The following ZMIZ1 variants were observed in gnomAD, a reference collection of about 807,000 sequenced individuals.
ZMIZ1 encodes the protein zinc finger MIZ domain-containing protein 1.
ZMIZ1 carries 17 observed loss-of-function variants against 113.9 expected under a neutral mutation model. The observed-to-expected ratio is 0.15, with a 90% CI of 0.10 to 0.22. The LOEUF is 0.22. Among genes scored for constraint, ZMIZ1 ranks in the 10% least tolerant of loss-of-function variants. The pLI is 1.00. For missense variants in ZMIZ1, 1,059 were observed against 1,477.8 expected (o/e 0.72, Z 4.65); for synonymous variants, 607 against 603.1 (o/e 1.01, Z -0.09).
At chr10:79,271,792 G>A (rs1655525774) in intron 7 of ZMIZ1, among the ~76,000 whole-genome samples, 1 of 152,186 alleles carries the variant, frequency 6.6e-6, no homozygotes, top group African/African-American at 2.4e-5. Context: ...TTGTGGGGCT[G>A]GCGCATAGAG....
At chr10:79,201,737 C>T (rs370120679) in intron 5 of ZMIZ1, 45 bp downstream of exon 5, 19 of 1,592,892 alleles carry the variant, frequency 1.2e-5, no homozygotes, top group South Asian at 7.8e-5. Context: ...GCAGATGGGG[C>T]GGGCTGCAGC....
At chr10:79,188,933 T>C (rs1458208998) in intron 4 of ZMIZ1, among the ~76,000 whole-genome samples, 1 of 152,198 alleles carries the variant, frequency 6.6e-6, no homozygotes, top group Admixed American at 6.5e-5. Context: ...CCGGGAATGC[T>C]TCGCTCAGGA....
intron 4 of ZMIZ1, among the ~76,000 whole-genome samples, chr10:79,196,973 A>C (rs1278841809): frequency 2.0e-5 from 3 of 152,186 alleles, no homozygotes; most frequent in Non-Finnish European, 4.4e-5. Flanking sequence ...AGGGCCTGGA[A>C]GCACACCTGG....
At chr10:79,188,299 CAG>C (rs750705377) in intron 4 of ZMIZ1, among the ~76,000 whole-genome samples, 24 of 152,150 alleles carry the variant, frequency 1.6e-4, no homozygotes, top group Non-Finnish European at 3.1e-4. Context: ...TTGGATGGGA[CAG>C]GGGAGGGTCA....
At chr10:79,224,382 C>T (rs564758702) in intron 7 of ZMIZ1, among the ~76,000 whole-genome samples, 3 of 152,126 alleles carry the variant, frequency 2.0e-5, no homozygotes, top group South Asian at 2.1e-4. Context: ...GAAGGAGAGC[C>T]GGCAGCTCCT....
At chr10:79,254,795 C>A (rs1302763405) in intron 7 of ZMIZ1, among the ~76,000 whole-genome samples, 1 of 152,218 alleles carries the variant, frequency 6.6e-6, no homozygotes, top group Non-Finnish European at 1.5e-5. Context: ...GGAGAGCCGA[C>A]TGAGTGAGGG....
intron 7 of ZMIZ1, among the ~76,000 whole-genome samples, chr10:79,260,219 G>A (rs1225227610): frequency 1.3e-5 from 2 of 152,230 alleles, no homozygotes; most frequent in Non-Finnish European, 2.9e-5. Flanking sequence ...ATTGTTCTAG[G>A]CACTGGGGAT....
intron 23 of ZMIZ1, among the ~76,000 whole-genome samples, chr10:79,307,960 G>A (rs888133935): frequency 2.0e-5 from 3 of 152,144 alleles, no homozygotes; most frequent in Non-Finnish European, 2.9e-5. Flanking sequence ...CCAAACCCAG[G>A]CACTTATTCT....
intron 2 of ZMIZ1, among the ~76,000 whole-genome samples, chr10:79,126,893 G>T (rs549082060): frequency 6.6e-6 from 1 of 152,308 alleles, no homozygotes; most frequent in South Asian, 2.1e-4. Flanking sequence ...GAAGGCTGCT[G>T]CTGGACCCAA....
intron 1 of ZMIZ1, among the ~76,000 whole-genome samples, chr10:79,071,161 C>T (rs576210865): frequency 6.6e-6 from 1 of 152,228 alleles, no homozygotes; most frequent in African/African-American, 2.4e-5. Context: ...GCCCCTGGCT[C>T]CGCGCCGGGT....
intron 7 of ZMIZ1, among the ~76,000 whole-genome samples, chr10:79,276,394 AAAATGG>A (rs1464992956): frequency 6.6e-6 from 1 of 152,186 alleles, no homozygotes; most frequent in African/African-American, 2.4e-5. Context: ...ACAGTGAAAG[AAAATGG>A]AAGTTTTCCC....
At chr10:79,258,001 C>T (rs1851028634) in intron 7 of ZMIZ1, among the ~76,000 whole-genome samples, 1 of 152,188 alleles carries the variant, frequency 6.6e-6, no homozygotes, top group Admixed American at 6.5e-5. Context: ...ACAGCAACCC[C>T]AAGAAGGTAG....
intron 4 of ZMIZ1, among the ~76,000 whole-genome samples, chr10:79,185,326 T>C (rs1413280952): frequency 6.6e-6 from 1 of 152,214 alleles, no homozygotes; most frequent in Non-Finnish European, 1.5e-5. Context: ...CTGAGCCTGC[T>C]GAAACGATAG....
intron 7 of ZMIZ1, among the ~76,000 whole-genome samples, chr10:79,244,136 C>T (rs1205740375): frequency 6.6e-6 from 1 of 152,258 alleles, no homozygotes; most frequent in Non-Finnish European, 1.5e-5. Context: ...CTTCAAGCTG[C>T]TCCTTTGTCA....
chr10:79,175,124 C>G (rs1057321274), intron 4 of ZMIZ1, among the ~76,000 whole-genome samples: 1 of 152,198 alleles, frequency 6.6e-6, no homozygotes, highest in African/African-American at 2.4e-5. Context: ...ACTCAGTGGC[C>G]TGTCTTAGAC....
At chr10:79,305,438 AG>A in intron 20 of ZMIZ1, 94 bp from the exon 21 acceptor site, 1 of 1,408,864 alleles carries the variant, frequency 7.1e-7, no homozygotes. Context: ...AACCAGCAGC[AG>A]GGGTGGGACC....
Position 79,278,870 on chromosome 10 carries a change from CTT to C in ZMIZ1, c.425+1547_425+1548del, listed in dbSNP as rs1400019063. ...CAGACACAGTAACAATCTGATCTCT[CTT>C]TCTTTTCCCCACATTTCCCCCTTTT... is the stretch of plus-strand genomic sequence containing the variant. On this transcript the variant is annotated intron_variant, in intron 8 of 24. Transcript: ENST00000334512. 2.0e-5 allele frequency among the ~76,000 whole-genome samples: 3 copies of C among 152,184 alleles called. No individual in the cohort carries two copies. The East Asian group carries it at 5.8e-4, about 29-fold the overall frequency.
At chr10:79,298,905 C>T in intron 15 of ZMIZ1, 145 bp from the exon 16 acceptor site, 3 of 1,114,246 alleles carry the variant, frequency 2.7e-6, no homozygotes, top group East Asian at 5.4e-5. Context: ...CTGGTGTGCC[C>T]TTGGACTGGC....
intron 12 of ZMIZ1, chr10:79,295,328 AT>A (rs1459687947): frequency 6.6e-6 from 1 of 152,108 alleles, no homozygotes; most frequent in Non-Finnish European, 1.5e-5. Flanking sequence ...GGCTCTCCAT[AT>A]TTTTACTAAA....
Sources: gnomAD v4.1 joint callset for allele counts (sites outside exome capture counted in the v4.1 genomes callset) on GRCh38, gnomAD v4.1.1 for gene constraint, MANE v1.5 for transcripts, NCBI Gene and HGNC (gene_info 2026-07-23, HGNC 2026-07-21) for gene names.